RFPL1: variants seen among roughly 807,000 people sequenced by gnomAD.
The protein encoded by RFPL1 is ret finger protein like 1, also known as ret finger protein-like 1.
RFPL1 carries 6 observed loss-of-function variants against 9.6 expected under a neutral mutation model. The observed-to-expected ratio is 0.62, with a 90% CI of 0.34 to 1.23. The LOEUF is 1.23. Ranked by LOEUF, RFPL1 falls within the 50% of genes most tolerant of loss-of-function variation. RFPL1 has a pLI of 0.03. For synonymous variants in RFPL1, 145 were observed against 149.4 expected, an observed-to-expected ratio of 0.97 and a Z score of 0.22; for missense variants, 352 against 398.4, an observed-to-expected ratio of 0.88 and a Z score of 0.99.
chr22:29,389,965 A>T, the RFPL1 span, among the ~76,000 whole-genome samples: 3 of 151,846 alleles, frequency 2.0e-5, no homozygotes, highest in African/African-American at 7.3e-5. Flanking sequence ...TGCCCAGCTA[A>T]TTTTTGTATT....
At chr22:29,404,533 A>G in the RFPL1 span, among the ~76,000 whole-genome samples, 1 of 152,232 alleles carries the variant, frequency 6.6e-6, no homozygotes, top group Non-Finnish European at 1.5e-5. Flanking sequence ...TTGAAAAAAT[A>G]AGAGTCAGAT....
At chr22:29,408,338 T>C in the RFPL1 span, among the ~76,000 whole-genome samples, 1 of 152,202 alleles carries the variant, frequency 6.6e-6, no homozygotes, top group South Asian at 2.1e-4. Context: ...TCTGCCCCTC[T>C]TCTTTGCCTT....
At chr22:29,425,555 T>A in the RFPL1 span, among the ~76,000 whole-genome samples, 1 of 152,138 alleles carries the variant, frequency 6.6e-6, no homozygotes, top group South Asian at 2.1e-4. Flanking sequence ...CAAACCATAT[T>A]GAATTCTCAT....
the RFPL1 span, among the ~76,000 whole-genome samples, chr22:29,402,099 C>A: frequency 6.6e-6 from 1 of 152,182 alleles, no homozygotes; most frequent in African/African-American, 2.4e-5. Flanking sequence ...TGACGTCTAC[C>A]TTTACTTTCT....
At chr22:29,395,711 A>G in the RFPL1 span, among the ~76,000 whole-genome samples, 2 of 151,970 alleles carry the variant, frequency 1.3e-5, no homozygotes, top group Admixed American at 1.3e-4. Context: ...AGTGGCTCAC[A>G]CCTGTAATCC....
the RFPL1 span, among the ~76,000 whole-genome samples, chr22:29,423,541 T>A: frequency 6.6e-6 from 1 of 152,150 alleles, no homozygotes; most frequent in African/African-American, 2.4e-5. Context: ...ATGTGCCTCT[T>A]CTAGAAATCT....
At chr22:29,424,030 A>G in the RFPL1 span, among the ~76,000 whole-genome samples, 1 of 152,150 alleles carries the variant, frequency 6.6e-6, no homozygotes, top group Non-Finnish European at 1.5e-5. Flanking sequence ...AATACAAAAA[A>G]TTAGCTGGGC....
chr22:29,392,766 A>G, the RFPL1 span, among the ~76,000 whole-genome samples: 1 of 152,110 alleles, frequency 6.6e-6, no homozygotes, highest in Non-Finnish European at 1.5e-5. Flanking sequence ...AGAAAATCTC[A>G]TTTGCTCCTG....
At chr22:29,418,496 C>CTTTTT in the RFPL1 span, among the ~76,000 whole-genome samples, 17 of 124,480 alleles carry the variant, frequency 1.4e-4, no homozygotes, top group African/African-American at 3.6e-4. Context: ...TCTTCGTCTT[C>CTTTTT]TTTTTTTTTT....
chr22:29,411,452 C>T, the RFPL1 span, among the ~76,000 whole-genome samples: 1,884 of 152,282 alleles, frequency 0.012, 18 homozygotes, highest in Non-Finnish European at 0.018. Context: ...AGAACAAGTG[C>T]TTTGTCACCA....
At chr22:29,428,570 T>C in the RFPL1 span, among the ~76,000 whole-genome samples, 5 of 152,294 alleles carry the variant, frequency 3.3e-5, no homozygotes, top group Non-Finnish European at 5.9e-5. Context: ...CATGGGATCC[T>C]CTCCAGGATG....
upstream of RFPL1, among the ~76,000 whole-genome samples, chr22:29,434,242 TG>T (rs1263318646): frequency 6.6e-6 from 1 of 152,238 alleles, no homozygotes; most frequent in East Asian, 1.9e-4. Flanking sequence ...TTTATGATTT[TG>T]AGAGTAAACA....
At chr22:29,413,198 A>G in the RFPL1 span, among the ~76,000 whole-genome samples, 1 of 151,860 alleles carries the variant, frequency 6.6e-6, no homozygotes, top group East Asian at 1.9e-4. Flanking sequence ...ATGGTTAAAT[A>G]AATTTAAATA....
chr22:29,412,398 C>T, the RFPL1 span, among the ~76,000 whole-genome samples: 2 of 152,102 alleles, frequency 1.3e-5, no homozygotes, highest in Non-Finnish European at 2.9e-5. Context: ...GCAGCGCTCC[C>T]GAGTAGCAGG....
At chr22:29,434,252 C>A (rs2062798251), upstream of RFPL1, among the ~76,000 whole-genome samples, 1 of 152,096 alleles carries the variant, frequency 6.6e-6, no homozygotes, top group South Asian at 2.1e-4. Flanking sequence ...TGAGAGTAAA[C>A]AACAGACATG....
chr22:29,390,604 T>G, the RFPL1 span, among the ~76,000 whole-genome samples: 1 of 151,682 alleles, frequency 6.6e-6, no homozygotes, highest in South Asian at 2.1e-4. Flanking sequence ...ATTTATTTAT[T>G]TATTTATTTT....
the RFPL1 span, among the ~76,000 whole-genome samples, chr22:29,418,345 G>A: frequency 1.3e-5 from 2 of 152,158 alleles, no homozygotes; most frequent in Non-Finnish European, 2.9e-5. Flanking sequence ...TATCGGGTGC[G>A]ATAGAGGCTG....
chr22:29,392,104 G>A, the RFPL1 span, among the ~76,000 whole-genome samples: 2 of 152,046 alleles, frequency 1.3e-5, no homozygotes, highest in Non-Finnish European at 2.9e-5. Context: ...GGTGAGCCGG[G>A]GTCTTGCTCT....
At chr22:29,392,148 C>A in the RFPL1 span, among the ~76,000 whole-genome samples, 1 of 152,008 alleles carries the variant, frequency 6.6e-6, no homozygotes, top group African/African-American at 2.4e-5. Context: ...GCAGCAATCT[C>A]GGCTCACTAC....
Sources: gnomAD v4.1 joint callset for allele counts (sites outside exome capture counted in the v4.1 genomes callset) on GRCh38, gnomAD v4.1.1 for gene constraint, MANE v1.5 for transcripts, NCBI Gene and HGNC (gene_info 2026-07-23, HGNC 2026-07-21) for gene names.